The following LAMP1 variants were observed in gnomAD, a reference collection of about 807,000 sequenced individuals.
The protein encoded by LAMP1 is lysosome-associated membrane glycoprotein 1.
Under a neutral mutation model 37.5 loss-of-function variants are expected in LAMP1, and 7 were observed. That is an observed-to-expected ratio of 0.19 (90% confidence interval 0.11 to 0.35). The LOEUF (loss-of-function observed/expected upper bound fraction) is 0.35. LAMP1 is among the 10% of genes least tolerant of loss of function. LAMP1 has a pLI of 1.00. For synonymous variants in LAMP1, 236 were observed against 229.1 expected, an observed-to-expected ratio of 1.03 and a Z score of -0.27; for missense variants, 537 against 552.8, an observed-to-expected ratio of 0.97 and a Z score of 0.29.
Position 113,322,549 on chromosome 13 carries a change from A to G in LAMP1, c.*128A>G, listed in dbSNP as rs1333599390. On this transcript the variant is annotated 3_prime_UTR_variant, in exon 9 of 9. Coordinates refer to ENST00000332556, the MANE Select transcript of LAMP1 (RefSeq NM_005561.4). ...ATCTGCTTCATCCAATGTGAAGTTC[A>G]TCTTGCAGCATTTACTATGCACAAC... 3.6e-6 allele frequency: 3 copies of G among 824,556 alleles called. No individual in the cohort carries two copies. The highest frequency in any genetic ancestry group is 2.9e-5 in the Admixed American group (1 of 34,370). The allele number at this position is 824,556 out of a possible 1,614,324, so 51.1% of individuals were successfully genotyped here.
chr13:113,309,734 T>C lies in LAMP1; in HGVS notation c.275T>C (p.Ile92Thr). 3.1e-6 allele frequency: 5 copies of C among 1,614,196 alleles called. No individual in the cohort carries two copies. The South Asian group carries it at 4.4e-5, about 14-fold the overall frequency. Residue 92 changes from isoleucine (I) to threonine (T), a missense_variant, in exon 3 of 9, where the codon ATT becomes ACT. By Grantham distance (89) the Ile-to-Thr change is moderately conservative. Transcript: ENST00000332556. ...AACACTTCTGACCCCAGTCTCGTGA[T>C]TGCTTTTGGAAGAGGACATACACTC... ...KENTSDPSLV[I>T]AFGRGHTLTL...
intron 4 of LAMP1, among the ~76,000 whole-genome samples, chr13:113,313,157 C>T (rs1330562048): frequency 6.6e-6 from 1 of 152,134 alleles, no homozygotes; most frequent in Non-Finnish European, 1.5e-5. Context: ...TGACCGCTCA[C>T]TCACTCCTGC....
chr13:113,318,203 T>TGTC (rs1010155623), intron 4 of LAMP1, among the ~76,000 whole-genome samples: 1 of 152,230 alleles, frequency 6.6e-6, no homozygotes, highest in African/African-American at 2.4e-5. Flanking sequence ...CTCCTGTGTG[T>TGTC]GTCTCAGAAC....
At chr13:113,298,897 CTT>C (rs1471393208) in intron 1 of LAMP1, among the ~76,000 whole-genome samples, 1 of 152,248 alleles carries the variant, frequency 6.6e-6, no homozygotes, top group African/African-American at 2.4e-5. Flanking sequence ...AATCCCAACA[CTT>C]TGGGTGGCCG....
chr13:113,298,148 T>C (rs918992851), intron 1 of LAMP1, among the ~76,000 whole-genome samples: 3 of 152,212 alleles, frequency 2.0e-5, no homozygotes, highest in African/African-American at 7.2e-5. Context: ...AAAGCTGGCC[T>C]CAGACTCACG....
At chr13:113,304,218 A>G (rs1273448043) in intron 1 of LAMP1, among the ~76,000 whole-genome samples, 1 of 152,266 alleles carries the variant, frequency 6.6e-6, no homozygotes, top group African/African-American at 2.4e-5. Context: ...GGGCAGCTTA[A>G]TAAAAGCCAG....
intron 4 of LAMP1, among the ~76,000 whole-genome samples, chr13:113,318,684 G>A (rs1160995139): frequency 6.6e-6 from 1 of 151,896 alleles, no homozygotes; most frequent in Non-Finnish European, 1.5e-5. Context: ...GGTGCCATGT[G>A]CCCCCCCACC....
At chr13:113,307,654 T>C (rs1341725516) in intron 2 of LAMP1, among the ~76,000 whole-genome samples, 1 of 152,268 alleles carries the variant, frequency 6.6e-6, no homozygotes, top group East Asian at 1.9e-4. Context: ...TGACATGCAA[T>C]GCAAACACTG....
intron 4 of LAMP1, among the ~76,000 whole-genome samples, chr13:113,315,422 C>T (rs906242748): frequency 5.8e-4 from 65 of 112,604 alleles, no homozygotes; most frequent in East Asian, 2.7e-3. Flanking sequence ...GGGAGTCTTG[C>T]TCTGTTGCCC....
intron 1 of LAMP1, among the ~76,000 whole-genome samples, chr13:113,299,385 T>G (rs914196104): frequency 2.0e-5 from 3 of 148,258 alleles, no homozygotes; most frequent in African/African-American, 7.5e-5. Context: ...CTGCCTCAGC[T>G]TCCTGAGTAG....
intron 4 of LAMP1, among the ~76,000 whole-genome samples, chr13:113,315,759 A>C (rs1037248133): frequency 6.6e-6 from 1 of 151,978 alleles, no homozygotes; most frequent in African/African-American, 2.4e-5. Context: ...GCCACCTTTG[A>C]ATGGACTTTC....
chr13:113,303,316 A>AG (rs2042583190), intron 1 of LAMP1, among the ~76,000 whole-genome samples: 2 of 152,126 alleles, frequency 1.3e-5, no homozygotes, highest in South Asian at 4.1e-4. Flanking sequence ...ATTTCTCCCA[A>AG]GTGGGGGTAT....
rs1595456722 is a variant in LAMP1, at chr13:113,301,664, T to A, written c.61+4169T>A. On this transcript the variant is annotated intron_variant, in intron 1 of 8. Coordinates refer to ENST00000332556, the MANE Select transcript of LAMP1 (RefSeq NM_005561.4). ...AAAAAAATATATATATATATATATA[T>A]ATATATATATATATATATATATATA... Among the ~76,000 whole-genome samples, 17 of 4,724 alleles carry A rather than the reference T, an allele frequency of 3.6e-3. 2 individuals carry two copies. The highest frequency in any genetic ancestry group is 1 in the Middle Eastern group (2 of 2). 3.1% of individuals were successfully genotyped at this position (4,724 alleles called of 152,430 possible). A position where few individuals can be genotyped will look rare whatever the true frequency, so the allele number is the denominator to read the frequency against.
At chr13:113,299,612 A>G (rs1420863011) in intron 1 of LAMP1, among the ~76,000 whole-genome samples, 1 of 140,058 alleles carries the variant, frequency 7.1e-6, no homozygotes, top group Non-Finnish European at 1.5e-5. Flanking sequence ...TCTGTCACCC[A>G]GGCTGGAGTG....
chr13:113,314,871 A>G (rs1205536607), intron 4 of LAMP1, among the ~76,000 whole-genome samples: 31 of 80,606 alleles, frequency 3.8e-4, no homozygotes, highest in Admixed American at 5.2e-4. Context: ...TGGAGATGCC[A>G]GTGTGCCTGG....
intron 4 of LAMP1, among the ~76,000 whole-genome samples, chr13:113,315,027 C>A (rs186849252): frequency 8.5e-6 from 1 of 118,154 alleles, no homozygotes. Context: ...GTGCCTGGGG[C>A]GTGGCCTCCT....
In LAMP1 at chr13:113,297,476, ACTGCTGTTGCTG is replaced by A; in HGVS notation, c.48_59del (p.Leu17_Leu20del). ...GCGCCCGGCGACCCCTGCTGCTGCT[ACTGCTGTTGCTG>A]CTGCTCGGTGAGGGGGTCGAGGCGG... On this transcript the variant is annotated inframe_deletion, in exon 1 of 9. Transcript: ENST00000332556. This position sits in a 1 kb window ranked among gnomAD's most constrained non-coding sequence, Gnocchi z 4.4. The A allele has an allele frequency of 8.0e-7, 1 of 1,245,150 alleles. No homozygotes were observed. The highest frequency in any genetic ancestry group is 1.0e-6 in the Non-Finnish European group (1 of 993,364). 77.1% of individuals were successfully genotyped at this position (1,245,150 alleles called of 1,614,324 possible).
intron 4 of LAMP1, among the ~76,000 whole-genome samples, chr13:113,315,986 C>A (rs1445420956): frequency 6.6e-6 from 1 of 152,054 alleles, no homozygotes; most frequent in African/African-American, 2.4e-5. Flanking sequence ...GCCTGTAGTC[C>A]CCCCTACTCA....
At chr13:113,314,070 T>G (rs1477757043) in intron 4 of LAMP1, among the ~76,000 whole-genome samples, 4 of 105,100 alleles carry the variant, frequency 3.8e-5, no homozygotes, top group Admixed American at 9.1e-5. Flanking sequence ...GCCTGGGGCG[T>G]GGCCTCCTGG....
Sources: allele counts gnomAD v4.1 joint callset (sites outside exome capture counted in the v4.1 genomes callset), GRCh38; gene constraint gnomAD v4.1.1; non-coding constraint Gnocchi (gnomAD v3.1); transcripts MANE v1.5; gene names NCBI Gene and HGNC (gene_info 2026-07-23, HGNC 2026-07-21).